The following ITGBL1 variants were observed in gnomAD, a reference collection of about 807,000 sequenced individuals.
ITGBL1 encodes integrin subunit beta like 1.
In ITGBL1, 51 loss-of-function variants were observed where a neutral mutation model predicts 68.5. The observed-to-expected ratio is 0.74, with a 90% CI of 0.59 to 0.94. ITGBL1 has a LOEUF of 0.94. ITGBL1 is among the 40% of genes least tolerant of loss of function. The pLI is 0.00. For missense variants in ITGBL1, 649 were observed against 647.4 expected, an observed-to-expected ratio of 1.00 and a Z score of -0.03; for synonymous variants, 209 against 227.3, an observed-to-expected ratio of 0.92 and a Z score of 0.72.
chr13:101,677,942 T>G lies in ITGBL1; in HGVS notation c.1016-14643T>G, dbSNP rs544713776. ...GATGCTAAAAACTGTTTTCCAAAAT[T>G]GGATATAAAATGTGTGAGTAGGTGT... On this transcript the variant is annotated intron_variant, in intron 7 of 10. Coordinates refer to ENST00000376180, the MANE Select transcript of ITGBL1 (RefSeq NM_004791.3). Among the ~76,000 whole-genome samples the G allele has an allele frequency of 4.2e-4, 64 of 152,320 alleles. No individual in the cohort carries two copies. The Middle Eastern group carries it at 0.014, about 32-fold the overall frequency.
chr13:101,603,903 A>G (rs1048447280), intron 7 of ITGBL1, among the ~76,000 whole-genome samples: 20 of 151,932 alleles, frequency 1.3e-4, no homozygotes, highest in African/African-American at 4.6e-4. Context: ...GCAAAGGGTG[A>G]TCTGATATCT....
At chr13:101,710,421 TTAC>T (rs1375410514) in intron 9 of ITGBL1, among the ~76,000 whole-genome samples, 1 of 152,126 alleles carries the variant, frequency 6.6e-6, no homozygotes, top group African/African-American at 2.4e-5. Flanking sequence ...GATGCCACAG[TTAC>T]TCCTGGTTCC....
At chr13:101,638,540 C>T (rs184079963) in intron 7 of ITGBL1, among the ~76,000 whole-genome samples, 105 of 152,286 alleles carry the variant, frequency 6.9e-4, no homozygotes, top group African/African-American at 2.1e-3. Flanking sequence ...AGTCACAGTT[C>T]CACATGGCTG....
chr13:101,614,697 G>GC, intron 7 of ITGBL1, among the ~76,000 whole-genome samples: 1 of 152,222 alleles, frequency 6.6e-6, no homozygotes, highest in East Asian at 1.9e-4. Flanking sequence ...GAGAAGTGAG[G>GC]CGCATGCTCA....
chr13:101,553,649 G>A (rs1319879024), intron 2 of ITGBL1, among the ~76,000 whole-genome samples: 2 of 152,002 alleles, frequency 1.3e-5, no homozygotes, highest in East Asian at 1.9e-4. Flanking sequence ...AGGGTTATGC[G>A]AGTGGCTCTG....
chr13:101,604,156 G>A (rs1566752589), intron 7 of ITGBL1, among the ~76,000 whole-genome samples: 1 of 151,798 alleles, frequency 6.6e-6, no homozygotes, highest in Admixed American at 6.6e-5. Context: ...GAAAATCACT[G>A]TAAGTATATA....
At chr13:101,569,752 AG>A (rs1451984328) in intron 3 of ITGBL1, among the ~76,000 whole-genome samples, 1 of 152,136 alleles carries the variant, frequency 6.6e-6, no homozygotes, top group East Asian at 1.9e-4. Context: ...ACATATTCTT[AG>A]GTAAAACACT....
intron 6 of ITGBL1, among the ~76,000 whole-genome samples, chr13:101,597,480 G>C (rs7338485): frequency 0.99 from 149,208 of 150,116 alleles, 74,154 homozygotes; most frequent in Middle Eastern, 1. Flanking sequence ...CCCTGTGACT[G>C]CCCTCCATGC....
intron 2 of ITGBL1, among the ~76,000 whole-genome samples, chr13:101,564,467 A>G (rs938621730): frequency 2.6e-5 from 4 of 151,674 alleles, no homozygotes; most frequent in Non-Finnish European, 5.9e-5. Context: ...ATTTGTGACA[A>G]TGAACTTCTA....
At chr13:101,674,014 A>T (rs979934465) in intron 7 of ITGBL1, among the ~76,000 whole-genome samples, 1 of 152,218 alleles carries the variant, frequency 6.6e-6, no homozygotes, top group African/African-American at 2.4e-5. Flanking sequence ...CAAAAGGGGC[A>T]AATGTGAAAG....
At chr13:101,627,210 T>A (rs942920909) in intron 7 of ITGBL1, among the ~76,000 whole-genome samples, 1 of 152,184 alleles carries the variant, frequency 6.6e-6, no homozygotes. Context: ...TTTTTTATAT[T>A]TCTTACAAGT....
At chr13:101,599,214 T>G (rs1342883368) in intron 7 of ITGBL1, among the ~76,000 whole-genome samples, 13 of 151,446 alleles carry the variant, frequency 8.6e-5, no homozygotes, top group Non-Finnish European at 1.8e-4. Context: ...TCATGTGTCT[T>G]TTGGCTGCAT....
chr13:101,688,304 G>A (rs1216238770), intron 7 of ITGBL1, among the ~76,000 whole-genome samples: 1 of 152,116 alleles, frequency 6.6e-6, no homozygotes, highest in Non-Finnish European at 1.5e-5. Flanking sequence ...ACAAAGGGCT[G>A]TGGGATCAGA....
At chr13:101,596,013 T>C (rs2029942377) in intron 6 of ITGBL1, among the ~76,000 whole-genome samples, 1 of 150,614 alleles carries the variant, frequency 6.6e-6, no homozygotes, top group Non-Finnish European at 1.5e-5. Flanking sequence ...TGTTTTGATA[T>C]GCATATGCAT....
In ITGBL1 at chr13:101,472,700, C is replaced by T. The variant is rs553121863; in HGVS notation, c.316+18600C>T. The stretch of plus-strand genomic sequence containing the variant: ...ACAATGCTATTGTGAAGTCCATTAA[C>T]TTAATGCAGAGGGTTGTTTCATTTT... On this transcript the variant is annotated intron_variant, in intron 2 of 10. Transcript: ENST00000376180. 4.6e-5 allele frequency among the ~76,000 whole-genome samples: 7 copies of T among 152,144 alleles called. No individual in the cohort carries two copies. In the East Asian group the frequency reaches 1.4e-3, roughly 29 times the overall value.
chr13:101,490,812 G>A (rs1260221013), intron 2 of ITGBL1, among the ~76,000 whole-genome samples: 1 of 152,214 alleles, frequency 6.6e-6, no homozygotes, highest in Non-Finnish European at 1.5e-5. Flanking sequence ...TTTATAGAGA[G>A]AAGGGGCAGA....
intron 8 of ITGBL1, among the ~76,000 whole-genome samples, chr13:101,693,332 C>T (rs1320947620): frequency 6.6e-6 from 1 of 152,138 alleles, no homozygotes; most frequent in Non-Finnish European, 1.5e-5. Context: ...GAGGCTGATG[C>T]ATGTGAATTA....
downstream of ITGBL1, chr13:101,717,947 A>G (rs2034788670): frequency 6.6e-6 from 1 of 152,182 alleles, no homozygotes; most frequent in African/African-American, 2.4e-5. Context: ...AGTCTCATGT[A>G]AGAAGAGTGT....
At chr13:101,688,359 G>T (rs2139544676) in intron 7 of ITGBL1, among the ~76,000 whole-genome samples, 1 of 152,264 alleles carries the variant, frequency 6.6e-6, no homozygotes, top group African/African-American at 2.4e-5. Flanking sequence ...TGGCAAGGAA[G>T]GTTTCAGAGG....
Sources: gnomAD v4.1 joint callset for allele counts (sites outside exome capture counted in the v4.1 genomes callset) on GRCh38, gnomAD v4.1.1 for gene constraint, MANE v1.5 for transcripts, NCBI Gene and HGNC (gene_info 2026-07-23, HGNC 2026-07-21) for gene names.